The following THSD7A variants were observed in gnomAD, a reference collection of about 807,000 sequenced individuals.
THSD7A encodes the protein thrombospondin type 1 domain containing 7A.
THSD7A carries 96 observed loss-of-function variants against 231.3 expected under a neutral mutation model. The ratio of observed to expected loss-of-function variants is 0.41; its 90% CI spans 0.35 to 0.49. The LOEUF (loss-of-function observed/expected upper bound fraction) is 0.49, where lower values mean the gene tolerates loss of function less well. Ranked by LOEUF, THSD7A falls within the 20% of genes least tolerant of loss-of-function variation. The probability of loss-of-function intolerance (pLI) is 0.05; values close to 1 mark genes in which losing one functional copy is unlikely to be tolerated. For synonymous variants in THSD7A, 940 were observed against 743.3 expected (o/e 1.26, Z -4.30); for missense variants, 2,290 against 2,070.2 (o/e 1.11, Z -2.06).
intron 1 of THSD7A, among the ~76,000 whole-genome samples, chr7:11,707,538 A>C (rs1029210591): frequency 3.3e-5 from 5 of 151,144 alleles, no homozygotes; most frequent in Admixed American, 1.3e-4. Context: ...TAAAATCAAT[A>C]CATTCTATCA....
intron 1 of THSD7A, among the ~76,000 whole-genome samples, chr7:11,713,205 C>T (rs1011323072): frequency 5.3e-5 from 8 of 151,234 alleles, no homozygotes; most frequent in African/African-American, 1.9e-4. Context: ...CAAAGCTCAA[C>T]TTCTGTGGCA....
chr7:11,657,146 T>C (rs1384067492), intron 1 of THSD7A, among the ~76,000 whole-genome samples: 1 of 151,830 alleles, frequency 6.6e-6, no homozygotes, highest in Non-Finnish European at 1.5e-5. Context: ...TAATATTGAA[T>C]ATGTATACAT....
At chr7:11,530,309 G>A (rs750615162) in intron 6 of THSD7A, among the ~76,000 whole-genome samples, 4 of 152,080 alleles carry the variant, frequency 2.6e-5, no homozygotes, top group Non-Finnish European at 5.9e-5. Context: ...TGCTTTATTC[G>A]ACATCTGGTA....
At chr7:11,707,144 G>A (rs1046772051) in intron 1 of THSD7A, among the ~76,000 whole-genome samples, 1 of 150,710 alleles carries the variant, frequency 6.6e-6, no homozygotes, top group Non-Finnish European at 1.5e-5. Context: ...CTCCCTGAGT[G>A]CAAAGCAACC....
At position 11,525,734 on chromosome 7, in the gene THSD7A, G is replaced by A. The variant is rs139165397; in HGVS notation, c.1822+15685C>T. On this transcript the variant is annotated intron_variant, in intron 6 of 27. Transcript: ENST00000423059. ...AGATGCTACAACATAAAGAAAAAGT[G>A]TACAATATGACTTCTATTCTTATTT... 1.5e-4 allele frequency among the ~76,000 whole-genome samples: 23 copies of A among 152,192 alleles called. No homozygotes were observed. The East Asian group carries it at 3.9e-3, about 26-fold the overall frequency.
At chr7:11,587,378 T>C (rs1453838727) in intron 4 of THSD7A, among the ~76,000 whole-genome samples, 1 of 152,168 alleles carries the variant, frequency 6.6e-6, no homozygotes, top group African/African-American at 2.4e-5. Context: ...TCTACGGAAA[T>C]GATATAGTAG....
In THSD7A at chr7:11,764,683, G is replaced by A. The variant is rs192663296; in HGVS notation, c.190+67074C>T. Among the ~76,000 whole-genome samples, 207 of 151,922 alleles carry A rather than the reference G, an allele frequency of 1.4e-3. 1 individual carries two copies. Among genetic ancestry groups the A allele is most frequent in the East Asian group, 7.7e-4 (4 of 5,176 alleles). Reference sequence around the variant, plus strand: ...AAATATTTTTAAAACCTAAATTCTGGTTTTATCATAATTTTTAGTAATTAT... The same window carrying A: ...AAATATTTTTAAAACCTAAATTCTGATTTTATCATAATTTTTAGTAATTAT... On this transcript the variant is annotated intron_variant, in intron 1 of 27. Transcript: ENST00000423059.
At chr7:11,495,227 C>G (rs1244181273) in intron 6 of THSD7A, among the ~76,000 whole-genome samples, 1 of 151,960 alleles carries the variant, frequency 6.6e-6, no homozygotes, top group Non-Finnish European at 1.5e-5. Context: ...TATAAATTAA[C>G]CTTTATTTAA....
At chr7:11,777,354 G>A (rs1783442416) in intron 1 of THSD7A, among the ~76,000 whole-genome samples, 1 of 150,878 alleles carries the variant, frequency 6.6e-6, no homozygotes, top group Non-Finnish European at 1.5e-5. Context: ...AAACTGACAG[G>A]AAAGGCCATG....
In THSD7A at chr7:11,559,080, A is replaced by G. The variant is rs151330872; in HGVS notation, c.1454-15963T>C. ...GAGCCAAGGGATGTGGGTGATTCCT[A>G]GAAGCTGGGAACAGTCTCCAGCTCA... On this transcript the variant is annotated intron_variant, in intron 4 of 27. Coordinates refer to ENST00000423059, the MANE Select transcript of THSD7A (RefSeq NM_015204.3). Among the ~76,000 whole-genome samples the G allele has an allele frequency of 2.0e-3, 300 of 152,312 alleles. 1 individual carries two copies. Among genetic ancestry groups the G allele is most frequent in the African/African-American group, 6.9e-3 (288 of 41,578 alleles).
At chr7:11,435,962 C>T (rs1562607384) in intron 13 of THSD7A, among the ~76,000 whole-genome samples, 1 of 151,914 alleles carries the variant, frequency 6.6e-6, no homozygotes, top group Non-Finnish European at 1.5e-5. Flanking sequence ...TTATATTGCA[C>T]TTTCAAATAT....
intron 4 of THSD7A, among the ~76,000 whole-genome samples, chr7:11,555,440 C>G (rs2128327574): frequency 6.6e-6 from 1 of 151,930 alleles, no homozygotes; most frequent in South Asian, 2.1e-4. Flanking sequence ...AGAGAACACT[C>G]TATAAATTAT....
chr7:11,702,983 C>T (rs1001922493), intron 1 of THSD7A, among the ~76,000 whole-genome samples: 7 of 151,234 alleles, frequency 4.6e-5, no homozygotes, highest in Non-Finnish European at 8.9e-5. Context: ...TTTGCTCAGT[C>T]TTCTGGAAAC....
intron 4 of THSD7A, among the ~76,000 whole-genome samples, chr7:11,576,919 C>A (rs1198235201): frequency 6.6e-6 from 1 of 152,126 alleles, no homozygotes; most frequent in Non-Finnish European, 1.5e-5. Context: ...AGCTATTATA[C>A]CCAGGGCATT....
intron 1 of THSD7A, among the ~76,000 whole-genome samples, chr7:11,758,882 A>G (rs184025259): frequency 1.8e-4 from 27 of 152,072 alleles, no homozygotes; most frequent in South Asian, 2.1e-4. Context: ...GACAAAACAT[A>G]TATGTAGCTG....
chr7:11,516,898 C>T (rs951521974), intron 6 of THSD7A, among the ~76,000 whole-genome samples: 4 of 152,052 alleles, frequency 2.6e-5, no homozygotes, highest in Admixed American at 1.3e-4. Flanking sequence ...ATATTGCCAT[C>T]GCCTACCAGA....
Position 11,820,965 on chromosome 7 carries a change from T to C in THSD7A, c.190+10792A>G. The C allele has an allele frequency of 5.8e-6, 6 of 1,040,596 alleles. No homozygotes were observed. In the South Asian group the frequency reaches 7.4e-5, roughly 13 times the overall value. The allele number at this position is 1,040,596 out of a possible 1,614,324, so 64.5% of individuals were successfully genotyped here. A position where few individuals can be genotyped will look rare whatever the true frequency, so the allele number is the denominator to read the frequency against. ...CTTATGTTTTTTATGACGTTCAATA[T>C]CAAGGCGGAGATCAACAGGATCATC... On this transcript the variant is annotated intron_variant, in intron 1 of 27. Transcript: ENST00000423059.
chr7:11,744,491 T>A (rs376337347), intron 1 of THSD7A, among the ~76,000 whole-genome samples: 1 of 152,006 alleles, frequency 6.6e-6, no homozygotes, highest in East Asian at 1.9e-4. Flanking sequence ...GTGCACAATG[T>A]GCAGGTTTGT....
intron 1 of THSD7A, among the ~76,000 whole-genome samples, chr7:11,650,252 A>G (rs1782441240): frequency 6.6e-6 from 1 of 151,948 alleles, no homozygotes; most frequent in Non-Finnish European, 1.5e-5. Context: ...ACTTTTTTTC[A>G]GGGAAAATAC....
Sources: gnomAD v4.1 joint callset for allele counts (sites outside exome capture counted in the v4.1 genomes callset) on GRCh38, gnomAD v4.1.1 for gene constraint, MANE v1.5 for transcripts, NCBI Gene and HGNC (gene_info 2026-07-23, HGNC 2026-07-21) for gene names.